Variants in PGAP2 observed in about 807,000 individuals in gnomAD.
PGAP2 encodes post-GPI attachment to proteins 2, also known as acyltransferase PGAP2.
PGAP2 carries 21 observed loss-of-function variants against 33.2 expected under a neutral mutation model. The ratio of observed to expected loss-of-function variants is 0.63; its 90% CI spans 0.45 to 0.91. The LOEUF is 0.91. PGAP2 is among the 40% of genes least tolerant of loss of function. The probability of loss-of-function intolerance (pLI) is 0.00; values close to 1 mark genes in which losing one functional copy is unlikely to be tolerated. For synonymous variants in PGAP2, 161 were observed against 172.9 expected (o/e 0.93, Z 0.54); for missense variants, 345 against 424.0 (o/e 0.81, Z 1.64).
upstream of PGAP2, chr11:3,797,753 G>A: frequency 1.4e-6 from 2 of 1,463,166 alleles, no homozygotes; most frequent in East Asian, 2.5e-5. Flanking sequence ...GGTAGGAGCG[G>A]TGAGAGGGCC....
In PGAP2 at chr11:3,797,886, G is replaced by A. The variant is rs772580935; in HGVS notation, c.43G>A (p.Val15Met). The change falls in exon 1 of 7, where the codon GTG (valine) becomes ATG (methionine). Residue 15 changes from valine to methionine, a missense_variant. Physicochemically the swap from Val to Met is conservative, Grantham distance 21. Transcript: ENST00000300730. ...CACCGGCGGGGTGTCGGGAAGGGTG[G>A]TGACGCAACATAGAGACTCCGCCCC... 1.5e-5 allele frequency: 24 copies of A among 1,549,738 alleles called. No individual in the cohort carries two copies. The African/African-American group carries it at 2.6e-4, about 17-fold the overall frequency.
At chr11:3,820,341 TA>T (rs1171813123) in intron 3 of PGAP2, among the ~76,000 whole-genome samples, 1 of 152,206 alleles carries the variant, frequency 6.6e-6, no homozygotes, top group Non-Finnish European at 1.5e-5. Flanking sequence ...TTATTGTACT[TA>T]ACTGCATGCC....
In PGAP2 at chr11:3,811,241, C is replaced by A. The variant is rs1203478698; in HGVS notation, c.-10-9C>A. The A allele has an allele frequency of 6.2e-7, 1 of 1,606,758 alleles. No homozygotes were observed. The highest frequency in any genetic ancestry group is 2.2e-5 in the East Asian group (1 of 44,792). ...CTGGGGCCCTGACAGCATGCCACTCCATCCCCAGGTCTGACAAGATGTACC... is the reference window on the plus strand; with the variant it reads ...CTGGGGCCCTGACAGCATGCCACTCAATCCCCAGGTCTGACAAGATGTACC... On this transcript the variant is annotated splice_polypyrimidine_tract_variant and intron_variant, in intron 1 of 6. Coordinates refer to ENST00000278243, the MANE Select transcript of PGAP2 (RefSeq NM_014489.4). This position sits in a 1 kb window ranked among gnomAD's most constrained non-coding sequence, Gnocchi z 4.6.
upstream of PGAP2, among the ~76,000 whole-genome samples, chr11:3,805,475 T>A (rs1291312230): frequency 6.6e-6 from 1 of 151,070 alleles, no homozygotes; most frequent in Non-Finnish European, 1.5e-5. Flanking sequence ...TTGCCTAGGC[T>A]GGTCTTGAAC....
At chr11:3,802,907 A>G (rs1388301376) in intron 1 of PGAP2, among the ~76,000 whole-genome samples, 1 of 150,204 alleles carries the variant, frequency 6.7e-6, no homozygotes, top group East Asian at 2.0e-4. Flanking sequence ...GCTCACTGCA[A>G]GCTCCGCCTC....
intron 1 of PGAP2, among the ~76,000 whole-genome samples, chr11:3,802,567 C>T (rs1000184729): frequency 1.3e-5 from 2 of 152,108 alleles, no homozygotes; most frequent in African/African-American, 4.8e-5. Flanking sequence ...CCTAGGAGCC[C>T]CAGTATCATA....
intron 1 of PGAP2, among the ~76,000 whole-genome samples, chr11:3,800,958 C>T (rs533851705): frequency 1.5e-4 from 22 of 151,066 alleles, no homozygotes; most frequent in African/African-American, 5.3e-4. Flanking sequence ...CATGGTGAAA[C>T]CCTGTCTCTA....
At chr11:3,818,200 TA>T (rs1385753804) in intron 3 of PGAP2, among the ~76,000 whole-genome samples, 1 of 150,042 alleles carries the variant, frequency 6.7e-6, no homozygotes, top group Non-Finnish European at 1.5e-5. Flanking sequence ...CTGTCTCTAC[TA>T]AAAAATACAA....
upstream of PGAP2, chr11:3,807,976 G>C: frequency 8.6e-7 from 1 of 1,163,078 alleles, no homozygotes; most frequent in East Asian, 4.2e-5. Context: ...CTGGTGGCTG[G>C]AAATCCTTTC....
At chr11:3,823,009 T>G (rs1233516358) in intron 3 of PGAP2, 20 of 1,026,162 alleles carry the variant, frequency 1.9e-5, no homozygotes, top group Non-Finnish European at 2.7e-5. Flanking sequence ...GAGCACCCAC[T>G]TTCTTTTTTC....
At chr11:3,804,424 C>A (rs926157164), upstream of PGAP2, among the ~76,000 whole-genome samples, 1 of 152,058 alleles carries the variant, frequency 6.6e-6, no homozygotes, top group Non-Finnish European at 1.5e-5. Context: ...TTGAGAAGAA[C>A]AAGAATAACT....
At chr11:3,821,493 C>T (rs2088619833) in intron 3 of PGAP2, among the ~76,000 whole-genome samples, 1 of 152,120 alleles carries the variant, frequency 6.6e-6, no homozygotes, top group Admixed American at 6.5e-5. Context: ...GGTGGTGGCT[C>T]ACGCCTGTAA....
intron 2 of PGAP2, among the ~76,000 whole-genome samples, chr11:3,814,669 T>C (rs1481567264): frequency 6.6e-6 from 1 of 151,698 alleles, no homozygotes; most frequent in Non-Finnish European, 1.5e-5. Flanking sequence ...TGCCTCAGCC[T>C]TCCAGAGTGC....
chr11:3,808,586 C>G lies in PGAP2; in HGVS notation c.-76C>G. On this transcript the variant is annotated 5_prime_UTR_variant, in exon 1 of 7. Transcript: ENST00000278243. ...TTCGCGCTCTGACCAGCCCGCAGAG[C>G]CAGCCCCCGACCCCGGGCCACCTGG... The G allele has an allele frequency of 1.5e-6, 2 of 1,354,384 alleles. No individual in the cohort carries two copies. Among genetic ancestry groups the G allele is most frequent in the East Asian group, 3.0e-5 (1 of 33,694 alleles). The allele number at this position is 1,354,384 out of a possible 1,614,324, so 83.9% of individuals were successfully genotyped here.
intron 1 of PGAP2, among the ~76,000 whole-genome samples, chr11:3,801,332 A>G (rs1207321673): frequency 6.6e-6 from 1 of 151,832 alleles, no homozygotes; most frequent in African/African-American, 2.4e-5. Flanking sequence ...AATAAATGGT[A>G]TTGTTTGCAT....
chr11:3,811,205 AGCCTG>A lies in PGAP2; in HGVS notation c.-10-42_-10-38del. On this transcript the variant is annotated intron_variant, in intron 1 of 6. Transcript: ENST00000278243. The surrounding 1 kb of genome is among the most constrained non-coding windows in gnomAD (Gnocchi z 4.6). ...AGGGCTGACTTTATCACTGAGTGCC[AGCCTG>A]GCTGCCTGGGGCCCTGACAGCATGC... The A allele has an allele frequency of 6.4e-7, 1 of 1,573,744 alleles. No homozygotes were observed. The highest frequency in any genetic ancestry group is 1.2e-5 in the South Asian group (1 of 85,070).
At chr11:3,806,461 C>G (rs1387851258), upstream of PGAP2, among the ~76,000 whole-genome samples, 1 of 152,188 alleles carries the variant, frequency 6.6e-6, no homozygotes, top group East Asian at 1.9e-4. Context: ...TTCGGAGCCC[C>G]TCAGAGTGCG....
intron 2 of PGAP2, among the ~76,000 whole-genome samples, chr11:3,814,525 A>G (rs1020983473): frequency 1.6e-4 from 24 of 151,312 alleles, no homozygotes; most frequent in Non-Finnish European, 3.4e-4. Flanking sequence ...CCAAAGTGCT[A>G]GGATTAAAGG....
At chr11:3,798,992 C>G (rs1202063518) in intron 1 of PGAP2, among the ~76,000 whole-genome samples, 1 of 152,254 alleles carries the variant, frequency 6.6e-6, no homozygotes, top group African/African-American at 2.4e-5. Context: ...TTCCCATCTT[C>G]TCAGTGATAC....
Sources: gnomAD v4.1 joint callset for allele counts (sites outside exome capture counted in the v4.1 genomes callset) on GRCh38, gnomAD v4.1.1 for gene constraint, Gnocchi (gnomAD v3.1) non-coding constraint, MANE v1.5 for transcripts, NCBI Gene and HGNC (gene_info 2026-07-23, HGNC 2026-07-21) for gene names.